CAP2: variants seen among roughly 807,000 people sequenced by gnomAD.
CAP2 encodes adenylyl cyclase-associated protein 2.
Under a neutral mutation model 57.7 loss-of-function variants are expected in CAP2, and 24 were observed. The observed-to-expected ratio is 0.42, with a 90% CI of 0.30 to 0.58. The LOEUF is 0.58. Among genes scored for constraint, CAP2 ranks in the 20% least tolerant of loss-of-function variants. The probability of loss-of-function intolerance (pLI) is 0.22; values close to 1 mark genes in which losing one functional copy is unlikely to be tolerated. For missense variants in CAP2, 501 were observed against 590.3 expected, an observed-to-expected ratio of 0.85 and a Z score of 1.57; for synonymous variants, 194 against 207.2, an observed-to-expected ratio of 0.94 and a Z score of 0.55.
At chr6:17,402,859 AT>A (rs1758851944) in intron 1 of CAP2, among the ~76,000 whole-genome samples, 1 of 152,230 alleles carries the variant, frequency 6.6e-6, no homozygotes, top group Non-Finnish European at 1.5e-5. Context: ...ACCCAGATGA[AT>A]AAGTATTAGG....
At chr6:17,524,893 C>CTTTTTTTTTTTTT (rs11325666) in intron 7 of CAP2, among the ~76,000 whole-genome samples, 10 of 109,620 alleles carry the variant, frequency 9.1e-5, no homozygotes, top group South Asian at 3.2e-4. Context: ...CTTTTCTTTT[C>CTTTTTTTTTTTTT]TTTTTTTTTT....
rs200233388 is a variant in CAP2 at position 17,426,627 on chromosome 6, G to A, written c.159G>A (p.Met53Ile). ...CCGTGGAAGCCTTTGACAAGCTGAT[G>A]GACAGTATGGTGGCCGAGTTTTTAA... The part of the protein sequence containing the change: ...APSVEAFDKL[M>I]DSMVAEFLKN... Residue 53 changes from methionine to isoleucine, a missense_variant, in exon 3 of 13, where the codon ATG (methionine) becomes ATA (isoleucine). Transcript: ENST00000229922. 59 of 1,614,022 alleles carry A rather than the reference G, an allele frequency of 3.7e-5. 1 individual carries two copies. The East Asian group carries it at 1.2e-3, about 33-fold the overall frequency.
At chr6:17,396,673 A>T (rs541430876) in intron 1 of CAP2, among the ~76,000 whole-genome samples, 1 of 152,284 alleles carries the variant, frequency 6.6e-6, no homozygotes, top group East Asian at 1.9e-4. Context: ...TAGGGAAGTG[A>T]TAGATAAAGG....
chr6:17,397,993 T>C (rs1282013244), intron 1 of CAP2, among the ~76,000 whole-genome samples: 4 of 152,188 alleles, frequency 2.6e-5, no homozygotes, highest in African/African-American at 4.8e-5. Context: ...ACTTACTCAT[T>C]TCCCCAAACC....
At chr6:17,555,074 A>G (rs181882726) in intron 12 of CAP2, among the ~76,000 whole-genome samples, 1 of 152,330 alleles carries the variant, frequency 6.6e-6, no homozygotes, top group East Asian at 1.9e-4. Context: ...TTTCTACTCC[A>G]TGTGATTGGA....
chr6:17,471,693 T>C (rs1761023394), intron 4 of CAP2, among the ~76,000 whole-genome samples: 1 of 151,736 alleles, frequency 6.6e-6, no homozygotes, highest in African/African-American at 2.4e-5. Flanking sequence ...TAGCCAGGCA[T>C]AGTGGCGGGT....
At chr6:17,466,835 A>C (rs116797913) in intron 4 of CAP2, among the ~76,000 whole-genome samples, 1 of 152,012 alleles carries the variant, frequency 6.6e-6, no homozygotes, top group Non-Finnish European at 1.5e-5. Context: ...GCAGTAACAA[A>C]CATCTCTAAA....
At chr6:17,534,046 C>G (rs1050540557) in intron 7 of CAP2, among the ~76,000 whole-genome samples, 1 of 152,242 alleles carries the variant, frequency 6.6e-6, no homozygotes, top group Non-Finnish European at 1.5e-5. Context: ...AGTCTGTCTC[C>G]CTTCAGGCTC....
chr6:17,465,672 A>G (rs1760844845), intron 4 of CAP2, among the ~76,000 whole-genome samples: 1 of 152,212 alleles, frequency 6.6e-6, no homozygotes, highest in Admixed American at 6.5e-5. Flanking sequence ...GAGACCCAGA[A>G]CCAGCAGAAA....
chr6:17,504,702 T>C (rs1761929459), intron 4 of CAP2, among the ~76,000 whole-genome samples: 1 of 152,116 alleles, frequency 6.6e-6, no homozygotes, highest in Non-Finnish European at 1.5e-5. Flanking sequence ...TACATTTTAT[T>C]TGGCAACCCA....
At chr6:17,397,715 A>G (rs1414292299) in intron 1 of CAP2, among the ~76,000 whole-genome samples, 1 of 150,908 alleles carries the variant, frequency 6.6e-6, no homozygotes, top group Non-Finnish European at 1.5e-5. Context: ...AAAAAAAAAA[A>G]AAGAATTACC....
At chr6:17,485,776 C>A (rs756468623) in intron 4 of CAP2, among the ~76,000 whole-genome samples, 1 of 152,184 alleles carries the variant, frequency 6.6e-6, no homozygotes, top group Admixed American at 6.5e-5. Flanking sequence ...TTGTTAGGAA[C>A]GAGAGATGCA....
chr6:17,432,962 TC>T (rs1330353107), intron 3 of CAP2, among the ~76,000 whole-genome samples: 1 of 107,342 alleles, frequency 9.3e-6, no homozygotes, highest in African/African-American at 3.6e-5. Context: ...CCTCCCTCTC[TC>T]CCCCCTCCCT....
intron 3 of CAP2, among the ~76,000 whole-genome samples, chr6:17,431,889 C>T (rs997842220): frequency 3.3e-5 from 5 of 151,988 alleles, no homozygotes; most frequent in Non-Finnish European, 7.4e-5. Flanking sequence ...ATAGGGTGGC[C>T]TCATCACCAT....
chr6:17,512,854 G>A (rs1389855991), intron 6 of CAP2, among the ~76,000 whole-genome samples: 1 of 152,170 alleles, frequency 6.6e-6, no homozygotes, highest in African/African-American at 2.4e-5. Flanking sequence ...TTCTAAACAT[G>A]CTGGTGGTAC....
chr6:17,398,599 A>C (rs1758728928), intron 1 of CAP2, among the ~76,000 whole-genome samples: 1 of 148,936 alleles, frequency 6.7e-6, no homozygotes, highest in African/African-American at 2.5e-5. Context: ...ATCTCCTCTC[A>C]CTGCAAGCTC....
At chr6:17,535,547 T>A (rs1009388907) in intron 7 of CAP2, among the ~76,000 whole-genome samples, 15 of 152,094 alleles carry the variant, frequency 9.9e-5, no homozygotes, top group Admixed American at 4.6e-4. Flanking sequence ...GTGCTGGGAT[T>A]ATAGGCGTGA....
intron 4 of CAP2, among the ~76,000 whole-genome samples, chr6:17,468,685 T>G (rs1760935823): frequency 6.6e-6 from 1 of 152,226 alleles, no homozygotes. Context: ...GTCTAGAATT[T>G]GTCAAGCCCA....
chr6:17,481,845 T>G (rs1761294924), intron 4 of CAP2, among the ~76,000 whole-genome samples: 1 of 152,202 alleles, frequency 6.6e-6, no homozygotes, highest in African/African-American at 2.4e-5. Context: ...GAGAGAAATC[T>G]AATTAGTATT....
Sources: gnomAD v4.1 joint callset for allele counts (sites outside exome capture counted in the v4.1 genomes callset) on GRCh38, gnomAD v4.1.1 for gene constraint, MANE v1.5 for transcripts, NCBI Gene and HGNC (gene_info 2026-07-23, HGNC 2026-07-21) for gene names.